NPRL3: variants seen among roughly 807,000 people sequenced by gnomAD.
NPRL3 encodes the protein NPR3 like, GATOR1 complex subunit.
In NPRL3, 23 loss-of-function variants were observed where a neutral mutation model predicts 57.2. The ratio of observed to expected loss-of-function variants is 0.40; its 90% CI spans 0.29 to 0.57. The LOEUF is 0.57. Among genes scored for constraint, NPRL3 ranks in the 20% least tolerant of loss-of-function variants. The pLI, the probability that NPRL3 is intolerant of heterozygous loss-of-function variation, is 0.42. For synonymous variants in NPRL3, 333 were observed against 321.1 expected (o/e 1.04, Z -0.39); for missense variants, 691 against 767.1 (o/e 0.90, Z 1.17).
chr16:90,011 C>CA, intron 11 of NPRL3, 109 bp from the exon 12 acceptor site: 4 of 1,043,694 alleles, frequency 3.8e-6, no homozygotes, highest in Non-Finnish European at 5.4e-6. Context: ...CCTGTGCTGA[C>CA]GCACAGGCAG....
At chr16:127,636 G>C (rs926555782) in intron 3 of NPRL3, among the ~76,000 whole-genome samples, 1 of 151,812 alleles carries the variant, frequency 6.6e-6, no homozygotes, top group Non-Finnish European at 1.5e-5. Context: ...AATGTGACCA[G>C]TGCAACTGAG....
At chr16:104,805 C>T (rs1051431382) in intron 7 of NPRL3, among the ~76,000 whole-genome samples, 3 of 152,200 alleles carry the variant, frequency 2.0e-5, no homozygotes, top group African/African-American at 7.2e-5. Context: ...ATTCCCTGAA[C>T]ATGTCAGAGG....
chr16:89,802 G>T lies in NPRL3; in HGVS notation c.1262C>A (p.Pro421His). The change falls in exon 12 of 14, where the codon CCC (proline) becomes CAC (histidine). Residue 421 changes from proline to histidine, a missense_variant. Transcript: ENST00000611875. ...GGGGACGTCGTCCTCTCGCGGACGG[G>T]GCTCCTCCTCGCTGGGTGAGGCCAT... The part of the protein sequence containing the change: ...CLMASPSEEE[P>H]RPREDDVPFT... The T allele has an allele frequency of 6.3e-7, 1 of 1,598,486 alleles. No homozygotes were observed. The highest frequency in any genetic ancestry group is 1.7e-5 in the Admixed American group (1 of 57,946).
intron 10 of NPRL3, 43 bp downstream of exon 10, chr16:93,176 T>C: frequency 7.5e-7 from 1 of 1,325,118 alleles, no homozygotes; most frequent in Non-Finnish European, 1.1e-6. Context: ...GCCTCACCCC[T>C]TCCCACTCGG....
chr16:117,898 G>A (rs959628899), intron 4 of NPRL3, among the ~76,000 whole-genome samples: 3 of 152,334 alleles, frequency 2.0e-5, no homozygotes, highest in East Asian at 1.9e-4. Context: ...CAAGGGGCAC[G>A]GGGGAACTCT....
intron 7 of NPRL3, among the ~76,000 whole-genome samples, 177 bp from the exon 8 acceptor site, chr16:100,686 G>A (rs996632355): frequency 2.2e-5 from 3 of 136,470 alleles, no homozygotes; most frequent in Non-Finnish European, 3.4e-5. Context: ...AGAAAATATG[G>A]GGGCCGGGCA....
chr16:127,530 C>T (rs1000357646), intron 3 of NPRL3, among the ~76,000 whole-genome samples: 14 of 152,178 alleles, frequency 9.2e-5, no homozygotes, highest in African/African-American at 3.1e-4. Flanking sequence ...CTACCGCTCC[C>T]GGCCCCAAAA....
Position 86,318 on chromosome 16 carries a change from T to G in NPRL3, c.*387A>C. The stretch of plus-strand genomic sequence containing the variant: ...AAGTGTTTCTGCACATTCTTCAGGG[T>G]GGCCACAGACTGGGGGGTCCAAGGA... On this transcript the variant is annotated 3_prime_UTR_variant, in exon 14 of 14. Coordinates refer to ENST00000611875, the MANE Select transcript of NPRL3 (RefSeq NM_001077350.3). The G allele has an allele frequency of 4.8e-6, 1 of 207,716 alleles. No homozygotes were observed. The highest frequency in any genetic ancestry group is 5.3e-5 in the Admixed American group (1 of 18,822). 12.9% of individuals were successfully genotyped at this position (207,716 alleles called of 1,614,324 possible).
chr16:113,578 GGGTCTGTGAAAACA>G (rs1053043959), intron 5 of NPRL3, among the ~76,000 whole-genome samples: 1 of 152,178 alleles, frequency 6.6e-6, no homozygotes, highest in Non-Finnish European at 1.5e-5. Context: ...GCAGCTGTGG[GGGTCTGTGAAAACA>G]CTTGAGGGAG....
chr16:117,636 G>A (rs910148109), intron 4 of NPRL3, among the ~76,000 whole-genome samples: 4 of 152,210 alleles, frequency 2.6e-5, no homozygotes, highest in Admixed American at 6.5e-5. Flanking sequence ...GGACGAGATG[G>A]AGAGGGGCAT....
At chr16:120,743 C>T (rs1336546780) in intron 3 of NPRL3, among the ~76,000 whole-genome samples, 1 of 152,206 alleles carries the variant, frequency 6.6e-6, no homozygotes, top group African/African-American at 2.4e-5. Context: ...AAGTCCTCAG[C>T]AGCCCACTGC....
At chr16:136,753 A>G (rs1480222429) in intron 2 of NPRL3, among the ~76,000 whole-genome samples, 1 of 151,898 alleles carries the variant, frequency 6.6e-6, no homozygotes, top group African/African-American at 2.4e-5. Context: ...CTGGAAAGAC[A>G]CAGAAAAATG....
chr16:123,537 C>T (rs1324026175), intron 3 of NPRL3: 2 of 471,070 alleles, frequency 4.2e-6, no homozygotes, highest in Non-Finnish European at 8.8e-6. Flanking sequence ...GGTTGGAGGA[C>T]ATGGCTCGCT....
rs1258990698 is a variant in NPRL3, at chr16:86,761, C to A, written c.1654G>T (p.Val552Leu). The A allele has an allele frequency of 2.5e-6, 4 of 1,591,872 alleles. No homozygotes were observed. Among genetic ancestry groups the A allele is most frequent in the Non-Finnish European group, 3.4e-6 (4 of 1,170,226 alleles). Residue 552 changes from valine (V) to leucine (L), a missense_variant, in exon 14 of 14, where the codon GTG becomes TTG. Physicochemically the swap from Val to Leu is conservative, Grantham distance 32 (BLOSUM62 1). Coordinates refer to ENST00000611875, the MANE Select transcript of NPRL3 (RefSeq NM_001077350.3). Reference protein sequence around the residue: ...MLFDKFRSVLVVTTHEDPVIA... With the variant: ...MLFDKFRSVLLVTTHEDPVIA... ...ACAGGGTCCTCGTGGGTGGTCACCACCAGCACGCTGCGGAACTTGTCAAAC... is the reference window on the plus strand; with the variant it reads ...ACAGGGTCCTCGTGGGTGGTCACCAACAGCACGCTGCGGAACTTGTCAAAC...
intron 11 of NPRL3, 48 bp from the exon 12 acceptor site, chr16:89,950 C>T: frequency 6.7e-7 from 1 of 1,502,738 alleles, no homozygotes; most frequent in East Asian, 2.6e-5. Flanking sequence ...ACTCCAACTT[C>T]CTCCTGGGTG....
chr16:105,224 T>C (rs1899475919), intron 7 of NPRL3, among the ~76,000 whole-genome samples: 2 of 152,098 alleles, frequency 1.3e-5, no homozygotes, highest in African/African-American at 4.8e-5. Context: ...TCAAACACAC[T>C]CTCGCCGTTC....
chr16:119,003 C>A, intron 4 of NPRL3, 123 bp downstream of exon 4: 1 of 1,398,152 alleles, frequency 7.2e-7, no homozygotes, highest in South Asian at 1.3e-5. Context: ...AGGAGAGCCA[C>A]ACCTGCCCAG....
chr16:134,606 C>A (rs1434099679), intron 2 of NPRL3, among the ~76,000 whole-genome samples: 1 of 151,574 alleles, frequency 6.6e-6, no homozygotes, highest in Non-Finnish European at 1.5e-5. Context: ...AATAATAAAG[C>A]ACAGCCAGGA....
At chr16:108,917 G>A (rs1899653377) in intron 7 of NPRL3, among the ~76,000 whole-genome samples, 6 of 151,932 alleles carry the variant, frequency 3.9e-5, no homozygotes, top group Middle Eastern at 3.4e-3. Context: ...TGCTCCACCC[G>A]CCTCAGCCTG....
Sources: gnomAD v4.1 joint callset for allele counts (sites outside exome capture counted in the v4.1 genomes callset) on GRCh38, gnomAD v4.1.1 for gene constraint, MANE v1.5 for transcripts, NCBI Gene and HGNC (gene_info 2026-07-23, HGNC 2026-07-21) for gene names.